The following PRKCE variants were observed in gnomAD, a reference collection of about 807,000 sequenced individuals.
PRKCE encodes protein kinase C epsilon type.
Under a neutral mutation model 85.4 loss-of-function variants are expected in PRKCE, and 16 were observed. That is an observed-to-expected ratio of 0.19 (90% CI 0.13 to 0.28). The LOEUF is 0.28. Ranked by LOEUF, PRKCE falls within the 10% of genes least tolerant of loss-of-function variation. PRKCE has a pLI of 1.00. For synonymous variants in PRKCE, 388 were observed against 371.5 expected, an observed-to-expected ratio of 1.04 and a Z score of -0.51; for missense variants, 573 against 975.2, an observed-to-expected ratio of 0.59 and a Z score of 5.49.
chr2:46,147,256 T>G (rs1676154840), intron 12 of PRKCE, among the ~76,000 whole-genome samples: 1 of 152,252 alleles, frequency 6.6e-6, no homozygotes, highest in South Asian at 2.1e-4. Context: ...GACAGGGAAC[T>G]GCTTTTCTCG....
At chr2:45,777,922 G>C (rs933151649) in intron 1 of PRKCE, among the ~76,000 whole-genome samples, 1 of 152,176 alleles carries the variant, frequency 6.6e-6, no homozygotes, top group Non-Finnish European at 1.5e-5. Flanking sequence ...AGATGGAACA[G>C]AATGCAGGCC....
chr2:45,730,932 A>T (rs1242613854), intron 1 of PRKCE, among the ~76,000 whole-genome samples: 8 of 152,180 alleles, frequency 5.3e-5, no homozygotes, highest in African/African-American at 1.9e-4. Flanking sequence ...TTTTACCTTT[A>T]TGGAGCAATG....
intron 1 of PRKCE, among the ~76,000 whole-genome samples, chr2:45,818,571 C>A (rs1005095105): frequency 3.3e-5 from 5 of 152,166 alleles, no homozygotes; most frequent in African/African-American, 9.7e-5. Context: ...GAGATTCAAC[C>A]CTTCTACCCT....
chr2:45,981,747 T>C (rs61764798), intron 5 of PRKCE, among the ~76,000 whole-genome samples: 11 of 152,314 alleles, frequency 7.2e-5, no homozygotes, highest in Non-Finnish European at 1.3e-4. Context: ...CCATTGAACA[T>C]TTACTGGGTA....
chr2:45,984,911 C>G (rs1574118617), intron 6 of PRKCE, among the ~76,000 whole-genome samples: 1 of 152,154 alleles, frequency 6.6e-6, no homozygotes. Context: ...AGGGCGGACT[C>G]CACGCCTTAA....
At position 46,004,444 on chromosome 2, in the gene PRKCE, C is replaced by A. The variant is rs991358472; in HGVS notation, c.967-98C>A. The A allele has an allele frequency of 2.0e-6, 2 of 997,722 alleles. No homozygotes were observed. The highest frequency in any genetic ancestry group is 3.0e-6 in the Non-Finnish European group (2 of 663,288). The allele number at this position is 997,722 out of a possible 1,614,324, so 61.8% of individuals were successfully genotyped here. On this transcript the variant is annotated intron_variant, in intron 7 of 14. Coordinates refer to ENST00000306156, the MANE Select transcript of PRKCE (RefSeq NM_005400.3). This position sits in a 1 kb window ranked among gnomAD's most constrained non-coding sequence, Gnocchi z 4.1. ...TACTGAATTCCTGCTGCTCTGGGAA[C>A]TCTCATGGCTCTTATACGGCATCTT...
Position 45,979,624 on chromosome 2 carries a change from C to T in PRKCE, c.607+614C>T, listed in dbSNP as rs765710340. Among the ~76,000 whole-genome samples, 28 of 152,220 alleles carry T rather than the reference C, an allele frequency of 1.8e-4. No individual in the cohort carries two copies. The Middle Eastern group carries it at 0.01, about 55-fold the overall frequency. On this transcript the variant is annotated intron_variant, in intron 4 of 14. Coordinates refer to ENST00000306156, the MANE Select transcript of PRKCE (RefSeq NM_005400.3). Reference sequence around the variant, plus strand: ...TGCGGTGGTTTTGCTGAGGTTAGAGCAGGGAGGTTTTCCTGTCTCCTCGCC... The same window carrying T: ...TGCGGTGGTTTTGCTGAGGTTAGAGTAGGGAGGTTTTCCTGTCTCCTCGCC...
At chr2:45,952,947 C>T (rs575112746) in intron 2 of PRKCE, among the ~76,000 whole-genome samples, 7 of 152,278 alleles carry the variant, frequency 4.6e-5, no homozygotes, top group Admixed American at 1.3e-4. Context: ...TTGTCTTAAG[C>T]GGTAGGCTGA....
At chr2:46,086,897 A>T (rs1669696901) in intron 11 of PRKCE, among the ~76,000 whole-genome samples, 1 of 152,060 alleles carries the variant, frequency 6.6e-6, no homozygotes, top group South Asian at 2.1e-4. Context: ...CTTTTTGCAG[A>T]TCATCCAATC....
Position 46,014,037 on chromosome 2 carries a change from G to T in PRKCE, c.1437+3520G>T, listed in dbSNP as rs367944872. Among the ~76,000 whole-genome samples, 17 of 152,302 alleles carry T rather than the reference G, an allele frequency of 1.1e-4. No individual in the cohort carries two copies. The East Asian group carries it at 2.5e-3, about 22-fold the overall frequency. On this transcript the variant is annotated intron_variant, in intron 10 of 14. Coordinates refer to ENST00000306156, the MANE Select transcript of PRKCE (RefSeq NM_005400.3). Reference sequence around the variant, plus strand: ...CCAACTTACAGCTGAAGAGAGATTTGGGCTTTTCTTTACTGAGCCCGCCTA... The same window carrying T: ...CCAACTTACAGCTGAAGAGAGATTTTGGCTTTTCTTTACTGAGCCCGCCTA...
At chr2:45,729,665 G>C (rs1681398411) in intron 1 of PRKCE, among the ~76,000 whole-genome samples, 1 of 152,168 alleles carries the variant, frequency 6.6e-6, no homozygotes, top group Non-Finnish European at 1.5e-5. Flanking sequence ...AGAGATTCTA[G>C]GCTGTATCCT....
intron 1 of PRKCE, among the ~76,000 whole-genome samples, chr2:45,772,810 G>C (rs1021722833): frequency 3.3e-5 from 5 of 152,134 alleles, no homozygotes; most frequent in Non-Finnish European, 7.3e-5. Flanking sequence ...GGCTGAAGAG[G>C]ACAAGGTGTC....
intron 1 of PRKCE, among the ~76,000 whole-genome samples, chr2:45,729,800 C>G (rs1171971943): frequency 6.6e-6 from 1 of 152,160 alleles, no homozygotes. Flanking sequence ...CTCTGGCCAT[C>G]CTTGACCGGA....
intron 1 of PRKCE, among the ~76,000 whole-genome samples, chr2:45,659,496 T>C (rs1396993346): frequency 2.0e-5 from 3 of 152,226 alleles, no homozygotes; most frequent in Non-Finnish European, 4.4e-5. Context: ...CTCCTGTCTC[T>C]GCTCACAGAT....
Position 45,713,674 on chromosome 2 carries a change from C to T in PRKCE, c.348+61226C>T, listed in dbSNP as rs545389189. 6.6e-5 allele frequency among the ~76,000 whole-genome samples: 10 copies of T among 152,088 alleles called. No individual in the cohort carries two copies. In the South Asian group the frequency reaches 2.1e-3, roughly 32 times the overall value. ...CTACCTAATAATGAATGTGATGGGC[C>T]AAGAAGGGGGAAGGCAGAAAAGCCT... On this transcript the variant is annotated intron_variant, in intron 1 of 14. Coordinates refer to ENST00000306156, the MANE Select transcript of PRKCE (RefSeq NM_005400.3).
chr2:45,983,078 G>T (rs920801802), intron 5 of PRKCE, among the ~76,000 whole-genome samples: 1 of 152,220 alleles, frequency 6.6e-6, no homozygotes, highest in South Asian at 2.1e-4. Flanking sequence ...CTAAGAATGG[G>T]TGAGTATAGT....
At chr2:46,089,907 C>A (rs1298828614) in intron 11 of PRKCE, among the ~76,000 whole-genome samples, 2 of 152,110 alleles carry the variant, frequency 1.3e-5, no homozygotes, top group Admixed American at 1.3e-4. Flanking sequence ...GAGACTTTGC[C>A]CCCATTGTCC....
chr2:46,159,903 A>T lies in PRKCE; in HGVS notation c.2067+151A>T. ...GGTGGCTGAGGCTCTCCCTAAGACAATGTCTTTAGGCCCCAAGTGTTTACT... is the reference window on the plus strand; with the variant it reads ...GGTGGCTGAGGCTCTCCCTAAGACATTGTCTTTAGGCCCCAAGTGTTTACT... On this transcript the variant is annotated intron_variant, in intron 14 of 14. Coordinates refer to ENST00000306156, the MANE Select transcript of PRKCE (RefSeq NM_005400.3). This position sits in a 1 kb window ranked among gnomAD's most constrained non-coding sequence, Gnocchi z 4.1. The T allele has an allele frequency of 2.2e-6, 2 of 914,330 alleles. No homozygotes were observed. The highest frequency in any genetic ancestry group is 2.9e-5 in the East Asian group (1 of 34,738). 56.6% of individuals were successfully genotyped at this position (914,330 alleles called of 1,614,324 possible).
At chr2:45,994,506 C>T (rs757980222) in intron 6 of PRKCE, among the ~76,000 whole-genome samples, 4 of 152,210 alleles carry the variant, frequency 2.6e-5, no homozygotes, top group Non-Finnish European at 5.9e-5. Context: ...ATAGTTTTAC[C>T]TTTTCCAGAA....
Sources: gnomAD v4.1 joint callset for allele counts (sites outside exome capture counted in the v4.1 genomes callset) on GRCh38, gnomAD v4.1.1 for gene constraint, Gnocchi (gnomAD v3.1) non-coding constraint, MANE v1.5 for transcripts, NCBI Gene and HGNC (gene_info 2026-07-23, HGNC 2026-07-21) for gene names.